LLGL2: variants seen among roughly 807,000 people sequenced by gnomAD.
LLGL2 encodes the protein LLGL scribble cell polarity complex component 2.
In LLGL2, 81 loss-of-function variants were observed where a neutral mutation model predicts 123.2. That is an observed-to-expected ratio of 0.66 (90% CI 0.55 to 0.79). The LOEUF (loss-of-function observed/expected upper bound fraction) is 0.79, where lower values mean the gene tolerates loss of function less well. Among genes scored for constraint, LLGL2 ranks in the 30% least tolerant of loss-of-function variants. The pLI, the probability that LLGL2 is intolerant of heterozygous loss-of-function variation, is 0.00. For synonymous variants in LLGL2, 577 were observed against 594.1 expected, an observed-to-expected ratio of 0.97 and a Z score of 0.42; for missense variants, 1,273 against 1,414.6, an observed-to-expected ratio of 0.90 and a Z score of 1.61.
At chr17:75,548,115 G>A (rs964510153) in intron 2 of LLGL2, among the ~76,000 whole-genome samples, 3 of 152,074 alleles carry the variant, frequency 2.0e-5, no homozygotes, top group Admixed American at 6.6e-5. Flanking sequence ...TGGGATGCTC[G>A]ACCGGTAAGT....
At chr17:75,532,081 T>TACACACACACACACACACAC (rs1568015954) in intron 1 of LLGL2, among the ~76,000 whole-genome samples, 5 of 29,488 alleles carry the variant, frequency 1.7e-4, no homozygotes, top group Non-Finnish European at 5.2e-4. Context: ...CACACACTTT[T>TACACACACACACACACACAC]TTTTTTTTTT....
Position 75,549,816 on chromosome 17 carries a change from A to G in LLGL2, c.76-6230A>G, listed in dbSNP as rs550915914. Among the ~76,000 whole-genome samples, 1 of 152,236 alleles carries G rather than the reference A, an allele frequency of 6.6e-6. No individual in the cohort carries two copies. The highest frequency in any genetic ancestry group is 2.4e-5 in the African/African-American group (1 of 41,530). On this transcript the variant is annotated intron_variant, in intron 2 of 25. Coordinates refer to ENST00000392550, the MANE Select transcript of LLGL2 (RefSeq NM_001031803.2). This position sits in a 1 kb window ranked among gnomAD's most constrained non-coding sequence, Gnocchi z 4.0. ...TGGCTGCAGGCAGGATGAAGGCCCCACTGTCTCTGACAGCCAGCCTTTGCC... is the reference window on the plus strand; with the variant it reads ...TGGCTGCAGGCAGGATGAAGGCCCCGCTGTCTCTGACAGCCAGCCTTTGCC...
intron 1 of LLGL2, among the ~76,000 whole-genome samples, chr17:75,538,260 C>T (rs957906214): frequency 1.9e-4 from 29 of 152,102 alleles, no homozygotes; most frequent in African/African-American, 5.3e-4. Context: ...GAGGAGGGAA[C>T]GGGGGGTGGG....
At chr17:75,543,209 G>GCCTGGGCCGGCCTAGAGCCC in intron 1 of LLGL2, 188 bp from the exon 2 acceptor site, 1 of 384,932 alleles carries the variant, frequency 2.6e-6, no homozygotes, top group East Asian at 4.1e-5. Context: ...CAGCCCTGAG[G>GCCTGGGCCGGCCTAGAGCCC]TGGGCCGGCC....
Position 75,570,421 on chromosome 17 carries a change from T to G in LLGL2, c.1948T>G (p.Leu650Val), listed in dbSNP as rs2055646946. 1 of 1,608,408 alleles carries G rather than the reference T, an allele frequency of 6.2e-7. No individual in the cohort carries two copies. The highest frequency in any genetic ancestry group is 8.5e-7 in the Non-Finnish European group (1 of 1,178,170). Reference sequence around the variant, plus strand: ...CCGCGTCAAGTCCCTCAAGAAGTCCTTGCGTCAGTCATTCCGCCGGATGCG... The same window carrying G: ...CCGCGTCAAGTCCCTCAAGAAGTCCGTGCGTCAGTCATTCCGCCGGATGCG... ...LSRVKSLKKS[L>V]RQSFRRMRRS... Residue 650 changes from leucine (L) to valine (V), a missense_variant, in exon 16 of 26, where the codon TTG (leucine) becomes GTG (valine). Coordinates refer to ENST00000392550, the MANE Select transcript of LLGL2 (RefSeq NM_001031803.2).
Position 75,564,847 on chromosome 17 carries a change from A to T in LLGL2, c.1036+340A>T. 1 of 196,928 alleles carries T rather than the reference A, an allele frequency of 5.1e-6. No individual in the cohort carries two copies. Among genetic ancestry groups the T allele is most frequent in the Non-Finnish European group, 9.9e-6 (1 of 100,848 alleles). The allele number at this position is 196,928 out of a possible 1,614,324, so 12.2% of individuals were successfully genotyped here. Reference sequence around the variant, plus strand: ...CTACTGTACTCAGCCTGGGTGACATAGCCAGACTGTGTCTCAAAAAAAAAA... The same window carrying T: ...CTACTGTACTCAGCCTGGGTGACATTGCCAGACTGTGTCTCAAAAAAAAAA... On this transcript the variant is annotated intron_variant, in intron 10 of 25. Coordinates refer to ENST00000392550, the MANE Select transcript of LLGL2 (RefSeq NM_001031803.2). The surrounding 1 kb of genome is among the most constrained non-coding windows in gnomAD (Gnocchi z 4.9).
chr17:75,570,642 G>C (rs1264828317), intron 16 of LLGL2, 144 bp downstream of exon 16: 1 of 1,003,662 alleles, frequency 1.0e-6, no homozygotes, highest in Non-Finnish European at 1.4e-6. Context: ...TGTGACCTCA[G>C]ACAGGTCACG....
chr17:75,573,299 G>A (rs2055811609), intron 20 of LLGL2, 21 bp downstream of exon 20: 1 of 1,582,448 alleles, frequency 6.3e-7, no homozygotes, highest in East Asian at 2.3e-5. Context: ...CGGGCTGGGT[G>A]GGTGTCGGGG....
At position 75,559,550 on chromosome 17, in the gene LLGL2, T is replaced by G; in HGVS notation, c.530+140T>G. On this transcript the variant is annotated intron_variant, in intron 6 of 25. Coordinates refer to ENST00000392550, the MANE Select transcript of LLGL2 (RefSeq NM_001031803.2). This position sits in a 1 kb window ranked among gnomAD's most constrained non-coding sequence, Gnocchi z 4.6. ...GGCTATAGCAGGGGAGGCTCTTGGCTTCCTACCTGTCACCTACTGAGAACC... is the reference window on the plus strand; with the variant it reads ...GGCTATAGCAGGGGAGGCTCTTGGCGTCCTACCTGTCACCTACTGAGAACC... 1.9e-6 allele frequency: 2 copies of G among 1,061,956 alleles called. No homozygotes were observed. Among genetic ancestry groups the G allele is most frequent in the Admixed American group, 2.9e-5 (1 of 34,332 alleles). The allele number at this position is 1,061,956 out of a possible 1,614,324, so 65.8% of individuals were successfully genotyped here.
Position 75,549,978 on chromosome 17 carries a change from AAG to A in LLGL2, c.76-6065_76-6064del, listed in dbSNP as rs2054594001. Among the ~76,000 whole-genome samples, 3 of 152,122 alleles carry A rather than the reference AAG, an allele frequency of 2.0e-5. No homozygotes were observed. Among genetic ancestry groups the A allele is most frequent in the Non-Finnish European group, 4.4e-5 (3 of 68,016 alleles). ...TCTCCTTTCCCAACCCCCCTGTCAAAAGAGTTCATTGTTCTCTCCTCCCTTGG... is the reference window on the plus strand; with the variant it reads ...TCTCCTTTCCCAACCCCCCTGTCAAAAGTTCATTGTTCTCTCCTCCCTTGG... On this transcript the variant is annotated intron_variant, in intron 2 of 25. Coordinates refer to ENST00000392550, the MANE Select transcript of LLGL2 (RefSeq NM_001031803.2). This position sits in a 1 kb window ranked among gnomAD's most constrained non-coding sequence, Gnocchi z 4.0.
chr17:75,547,158 G>A lies in LLGL2; in HGVS notation c.75+3657G>A, dbSNP rs572904098. On this transcript the variant is annotated intron_variant, in intron 2 of 25. Coordinates refer to ENST00000392550, the MANE Select transcript of LLGL2 (RefSeq NM_001031803.2). ...CACCAAGCCCGATGCCTCAAAGAGA[G>A]CAAGGACATCGCCCCGGGGGTCCTG... Among the ~76,000 whole-genome samples the A allele has an allele frequency of 9.8e-4, 150 of 152,364 alleles. 2 individuals carry two copies. The highest frequency in any genetic ancestry group is 7.2e-3 in the South Asian group (35 of 4,828).
chr17:75,547,300 G>T (rs75557226), intron 2 of LLGL2, among the ~76,000 whole-genome samples: 2,842 of 152,314 alleles, frequency 0.019, 85 homozygotes, highest in East Asian at 0.062. Flanking sequence ...TTCACCGAGG[G>T]CTATGTGCCA....
intron 2 of LLGL2, among the ~76,000 whole-genome samples, chr17:75,548,649 G>C (rs1598558523): frequency 6.6e-6 from 1 of 151,598 alleles, no homozygotes. Flanking sequence ...CCAGCTACTT[G>C]AGAGGCTGAG....
chr17:75,531,200 G>A (rs1031870958), intron 1 of LLGL2, among the ~76,000 whole-genome samples: 2 of 152,140 alleles, frequency 1.3e-5, no homozygotes, highest in Non-Finnish European at 2.9e-5. Flanking sequence ...GTCCTCTCCT[G>A]CCAGGACTTC....
intron 2 of LLGL2, among the ~76,000 whole-genome samples, 197 bp from the exon 3 acceptor site, chr17:75,555,849 A>G (rs1175517206): frequency 1.3e-5 from 2 of 152,112 alleles, no homozygotes; most frequent in Non-Finnish European, 2.9e-5. Context: ...CCATGAGGCC[A>G]AGGGCAGAGT....
In LLGL2 at chr17:75,568,757, G is replaced by C; in HGVS notation, c.1255-15G>C. ...AGCCAAACTCTCCCATGGACTTCTT[G>C]GTCTCTTTTTCTAGGAGTGGCCAAT... On this transcript the variant is annotated splice_polypyrimidine_tract_variant and intron_variant, in intron 11 of 25. Transcript: ENST00000392550. 6.2e-7 allele frequency: 1 copy of C among 1,610,600 alleles called. No homozygotes were observed. The highest frequency in any genetic ancestry group is 8.5e-7 in the Non-Finnish European group (1 of 1,177,824).
At chr17:75,536,433 C>T (rs894652710) in intron 1 of LLGL2, among the ~76,000 whole-genome samples, 3 of 152,220 alleles carry the variant, frequency 2.0e-5, no homozygotes, top group African/African-American at 4.8e-5. Context: ...ACCCTGAAAC[C>T]CAAGGTTGCA....
At chr17:75,534,479 AT>A (rs375429932) in intron 1 of LLGL2, among the ~76,000 whole-genome samples, 42 of 148,182 alleles carry the variant, frequency 2.8e-4, no homozygotes, top group African/African-American at 8.2e-4. Flanking sequence ...TGGGGCTTGG[AT>A]TTTTTTTTTT....
At chr17:75,525,615 G>GGGGGGCGGGCC (rs1292987817), upstream of LLGL2, 2 of 150,278 alleles carry the variant, frequency 1.3e-5, no homozygotes, top group African/African-American at 2.4e-5. This position sits in a 1 kb window ranked among gnomAD's most constrained non-coding sequence, Gnocchi z 4.8. Flanking sequence ...GCGCCGAGCT[G>GGGGGGCGGGCC]GGGGGCGGGC....
Sources: gnomAD v4.1 joint callset for allele counts (sites outside exome capture counted in the v4.1 genomes callset) on GRCh38, gnomAD v4.1.1 for gene constraint, Gnocchi (gnomAD v3.1) non-coding constraint, MANE v1.5 for transcripts, NCBI Gene and HGNC (gene_info 2026-07-23, HGNC 2026-07-21) for gene names.